Variants in ANKFN1 observed in about 807,000 individuals in gnomAD.
The protein encoded by ANKFN1 is ankyrin repeat and fibronectin type III domain containing 1.
In ANKFN1, 74 loss-of-function variants were observed where a neutral mutation model predicts 108.7. The ratio of observed to expected loss-of-function variants is 0.68; its 90% CI spans 0.56 to 0.83. The LOEUF is 0.83. Ranked by LOEUF, ANKFN1 falls within the 40% of genes least tolerant of loss-of-function variation. ANKFN1 has a pLI of 0.00. For synonymous variants in ANKFN1, 547 were observed against 516.2 expected, an observed-to-expected ratio of 1.06 and a Z score of -0.81; for missense variants, 1,505 against 1,382.3, an observed-to-expected ratio of 1.09 and a Z score of -1.41.
At chr17:56,113,518 C>T (rs1184631053) in intron 4 of ANKFN1, among the ~76,000 whole-genome samples, 1 of 152,148 alleles carries the variant, frequency 6.6e-6, no homozygotes, top group Non-Finnish European at 1.5e-5. Flanking sequence ...ACTGTACAAG[C>T]TTTGATTGAA....
At chr17:56,162,183 A>G (rs1194387695) in intron 1 of ANKFN1, among the ~76,000 whole-genome samples, 1 of 152,198 alleles carries the variant, frequency 6.6e-6, no homozygotes, top group East Asian at 1.9e-4. Flanking sequence ...AGAAGTCAGG[A>G]TTCTGTAACC....
intron 1 of ANKFN1, 67 bp downstream of exon 1, chr17:56,153,597 G>A: frequency 6.3e-7 from 1 of 1,591,238 alleles, no homozygotes; most frequent in South Asian, 1.1e-5. Context: ...CATTCAACAG[G>A]CAGGAAAATG....
At chr17:56,413,114 T>A (rs966123662) in intron 8 of ANKFN1, among the ~76,000 whole-genome samples, 1 of 152,156 alleles carries the variant, frequency 6.6e-6, no homozygotes, top group African/African-American at 2.4e-5. Context: ...TAATTTGAGA[T>A]CTTCATTTTT....
At chr17:56,471,848 G>A (rs7224592) in intron 15 of ANKFN1, 120,153 of 152,190 alleles carry the variant, frequency 0.79, 47,850 homozygotes, top group East Asian at 0.97. Flanking sequence ...GCAAATCCAT[G>A]CAGACAGAAA....
intron 8 of ANKFN1, among the ~76,000 whole-genome samples, chr17:56,390,755 G>C (rs750027840): frequency 2.0e-5 from 3 of 151,988 alleles, no homozygotes; most frequent in Non-Finnish European, 2.9e-5. Flanking sequence ...GGCATGAGAT[G>C]GTATCTCATT....
intron 1 of ANKFN1, among the ~76,000 whole-genome samples, chr17:56,203,164 CTG>C (rs1347585712): frequency 6.6e-6 from 1 of 152,162 alleles, no homozygotes; most frequent in Non-Finnish European, 1.5e-5. Flanking sequence ...AGGTAATCTA[CTG>C]TAAGTTTCCA....
At chr17:56,429,683 T>C (rs1422231355) in intron 8 of ANKFN1, among the ~76,000 whole-genome samples, 3 of 152,120 alleles carry the variant, frequency 2.0e-5, no homozygotes, top group African/African-American at 7.2e-5. Flanking sequence ...AAGGTTTCTA[T>C]GTAAGAAAGT....
chr17:56,277,465 C>T (rs192954472), intron 3 of ANKFN1, among the ~76,000 whole-genome samples: 1 of 152,056 alleles, frequency 6.6e-6, no homozygotes, highest in Non-Finnish European at 1.5e-5. Context: ...TAATCACTCT[C>T]CTGTATTGAG....
chr17:56,337,811 C>A (rs2144603069), intron 4 of ANKFN1, among the ~76,000 whole-genome samples: 1 of 152,234 alleles, frequency 6.6e-6, no homozygotes, highest in Admixed American at 6.5e-5. Flanking sequence ...ACAACAGATG[C>A]TGGAGAGGAT....
chr17:56,470,029 A>G (rs971123184), intron 15 of ANKFN1, among the ~76,000 whole-genome samples: 15 of 152,162 alleles, frequency 9.9e-5, no homozygotes, highest in Non-Finnish European at 1.8e-4. Flanking sequence ...ATAAGTGAGA[A>G]CACATAGTGT....
intron 6 of ANKFN1, among the ~76,000 whole-genome samples, chr17:56,363,587 T>C (rs182008770): frequency 9.2e-5 from 14 of 152,304 alleles, no homozygotes; most frequent in Admixed American, 3.3e-4. Flanking sequence ...CCCAAAAGGT[T>C]TGAAATCAGT....
intron 4 of ANKFN1, among the ~76,000 whole-genome samples, chr17:56,091,372 C>T (rs895377906): frequency 2.7e-5 from 4 of 147,264 alleles, no homozygotes; most frequent in Admixed American, 6.8e-5. Context: ...GTTTATTTAT[C>T]AATTAAAATT....
In ANKFN1 at chr17:56,326,277, G is replaced by A. The variant is rs1275076719; in HGVS notation, c.110G>A (p.Ser37Asn). 2 of 1,614,008 alleles carry A rather than the reference G, an allele frequency of 1.2e-6. No homozygotes were observed. The highest frequency in any genetic ancestry group is 1.3e-5 in the African/African-American group (1 of 75,054). The stretch of plus-strand genomic sequence containing the variant: ...AGGCTGAGCCACAGGAGAAAGCAAA[G>A]CCAATGTGATTTATTGAATGAAAGC... ...AQRLSHRRKQ[S>N]QCDLLNESTG... Residue 37 changes from serine to asparagine, a missense_variant, in exon 4 of 21, where the codon AGC (serine) becomes AAC (asparagine). Transcript: ENST00000682825.
At chr17:56,323,922 G>A (rs748428007) in intron 3 of ANKFN1, among the ~76,000 whole-genome samples, 1 of 152,166 alleles carries the variant, frequency 6.6e-6, no homozygotes, top group Non-Finnish European at 1.5e-5. Flanking sequence ...CAGAGTATAA[G>A]GTGTCGTGCT....
chr17:56,252,274 G>A (rs1200682329), intron 3 of ANKFN1: 3 of 152,204 alleles, frequency 2.0e-5, no homozygotes, highest in Non-Finnish European at 4.4e-5. Flanking sequence ...AAGTTACACA[G>A]CTAACCAATG....
intron 4 of ANKFN1, among the ~76,000 whole-genome samples, chr17:56,091,641 C>T (rs915282993): frequency 6.6e-6 from 1 of 151,404 alleles, no homozygotes; most frequent in Non-Finnish European, 1.5e-5. Context: ...GCATTGACTT[C>T]CTTATAAAGC....
At chr17:56,399,367 C>A (rs569099481) in intron 8 of ANKFN1, among the ~76,000 whole-genome samples, 1 of 151,626 alleles carries the variant, frequency 6.6e-6, no homozygotes, top group South Asian at 2.1e-4. Context: ...AAGAGAACTT[C>A]AACAAAAACA....
chr17:56,391,722 G>A (rs1448940874), intron 8 of ANKFN1, among the ~76,000 whole-genome samples: 3 of 152,006 alleles, frequency 2.0e-5, no homozygotes, highest in Non-Finnish European at 4.4e-5. Context: ...CACCGCGCCT[G>A]ACCAAGAATA....
At chr17:56,446,597 G>C (rs2049298547) in intron 10 of ANKFN1, among the ~76,000 whole-genome samples, 1 of 152,158 alleles carries the variant, frequency 6.6e-6, no homozygotes, top group African/African-American at 2.4e-5. Context: ...CCCAGATGGT[G>C]CTTTGTTTTC....
Sources: allele counts gnomAD v4.1 joint callset (sites outside exome capture counted in the v4.1 genomes callset), GRCh38; gene constraint gnomAD v4.1.1; transcripts MANE v1.5; gene names NCBI Gene and HGNC (gene_info 2026-07-23, HGNC 2026-07-21).